Variants in PCDHGB2 observed in about 807,000 individuals in gnomAD.
PCDHGB2 encodes the protein protocadherin gamma-B2.
Under a neutral mutation model 59.3 loss-of-function variants are expected in PCDHGB2, and 55 were observed. The observed-to-expected ratio is 0.93, with a 90% CI of 0.75 to 1.16. PCDHGB2 has a LOEUF of 1.16. Among genes scored for constraint, PCDHGB2 ranks in the 50% most tolerant of loss-of-function variants. PCDHGB2 has a pLI of 0.00. For synonymous variants in PCDHGB2, 516 were observed against 512.0 expected (o/e 1.01, Z -0.11); for missense variants, 1,228 against 1,198.5 (o/e 1.02, Z -0.36).
chr5:141,379,889 C>CTTTTTGTTTTTTTTTTTTT (rs1775944261), intron 1 of PCDHGB2, among the ~76,000 whole-genome samples: 1 of 50,830 alleles, frequency 2.0e-5, no homozygotes, highest in Non-Finnish European at 3.9e-5. Flanking sequence ...GTGAAAGCCT[C>CTTTTTGTTTTTTTTTTTTT]TTTTTTTTTT....
At chr5:141,384,558 G>C (rs1305876368) in intron 1 of PCDHGB2, 2 of 1,614,132 alleles carry the variant, frequency 1.2e-6, no homozygotes, top group African/African-American at 1.3e-5. Context: ...TGTTCGTGCT[G>C]GACCAGAATG....
intron 1 of PCDHGB2, chr5:141,415,851 T>A: frequency 8.1e-7 from 1 of 1,228,614 alleles, no homozygotes; most frequent in Non-Finnish European, 1.1e-6. Flanking sequence ...TTGCAGAACC[T>A]TGTAGTTTAT....
intron 1 of PCDHGB2, among the ~76,000 whole-genome samples, chr5:141,407,130 T>C (rs1218017139): frequency 1.3e-5 from 2 of 152,230 alleles, no homozygotes; most frequent in Non-Finnish European, 2.9e-5. Flanking sequence ...TTGCTTTATT[T>C]TTAAGAAAAA....
intron 1 of PCDHGB2, chr5:141,382,754 G>A: frequency 1.6e-6 from 1 of 636,380 alleles, no homozygotes; most frequent in East Asian, 2.7e-5. Context: ...ATTGCGATAA[G>A]CCCTCTTCCA....
intron 1 of PCDHGB2, chr5:141,390,163 C>A: frequency 1.2e-6 from 2 of 1,613,992 alleles, no homozygotes; most frequent in South Asian, 1.1e-5. Flanking sequence ...ACAGGAAAGA[C>A]GGAGTTTAAT....
In PCDHGB2 at chr5:141,477,524, A is replaced by G. The variant is rs1302186932; in HGVS notation, c.2422-17283A>G. The stretch of plus-strand genomic sequence containing the variant: ...CTACGACGTTTACATTGAAGAAAAC[A>G]ACCTCCCCGGGGCTCCAATACTAAA... On this transcript the variant is annotated intron_variant, in intron 1 of 3. Coordinates refer to ENST00000522605, the MANE Select transcript of PCDHGB2 (RefSeq NM_018923.3). The surrounding 1 kb of genome is among the most constrained non-coding windows in gnomAD (Gnocchi z 4.9). The G allele has an allele frequency of 1.2e-6, 2 of 1,614,122 alleles. No individual in the cohort carries two copies. Among genetic ancestry groups the G allele is most frequent in the Non-Finnish European group, 1.7e-6 (2 of 1,180,022 alleles).
chr5:141,493,694 G>A lies in PCDHGB2; in HGVS notation c.2422-1113G>A, dbSNP rs929897875. On this transcript the variant is annotated intron_variant, in intron 1 of 3. Transcript: ENST00000522605. This position sits in a 1 kb window ranked among gnomAD's most constrained non-coding sequence, Gnocchi z 4.3. ...CCCCAGAATGGTGCTGGTGACTCCC[G>A]ATACACCTGGAATGCTAGGTTTCTG... Among the ~76,000 whole-genome samples the A allele has an allele frequency of 5.9e-5, 9 of 152,130 alleles. No individual in the cohort carries two copies. Among genetic ancestry groups the A allele is most frequent in the African/African-American group, 9.7e-5 (4 of 41,404 alleles).
intron 3 of PCDHGB2, among the ~76,000 whole-genome samples, chr5:141,508,439 T>C (rs1037512760): frequency 1.3e-5 from 2 of 152,188 alleles, no homozygotes; most frequent in African/African-American, 4.8e-5. Flanking sequence ...ACACAGTTCC[T>C]TAGTGGCAGA....
intron 1 of PCDHGB2, among the ~76,000 whole-genome samples, chr5:141,434,195 T>C (rs1561872734): frequency 6.6e-6 from 1 of 151,916 alleles, no homozygotes; most frequent in Non-Finnish European, 1.5e-5. Flanking sequence ...AATTCCAATG[T>C]ACTTACTTCT....
In PCDHGB2 at chr5:141,421,238, G is replaced by C. The variant is rs920128735; in HGVS notation, c.2421+58682G>C. 3.1e-6 allele frequency: 5 copies of C among 1,597,422 alleles called. No individual in the cohort carries two copies. Among genetic ancestry groups the C allele is most frequent in the African/African-American group, 2.7e-5 (2 of 74,378 alleles). ...GGCTTAGAGCCTGCCATGGCGAATC[G>C]GCTACAGCGCGGGGACCGCAGTCGG... On this transcript the variant is annotated intron_variant, in intron 1 of 3. Transcript: ENST00000522605.
At chr5:141,413,661 T>G (rs2095664313) in intron 1 of PCDHGB2, 1 of 1,613,886 alleles carries the variant, frequency 6.2e-7, no homozygotes. Flanking sequence ...CGGAAGCTAT[T>G]GATCCGGATG....
chr5:141,421,188 C>T lies in PCDHGB2; in HGVS notation c.2421+58632C>T, dbSNP rs1364019876. 2.0e-6 allele frequency: 3 copies of T among 1,471,410 alleles called. No individual in the cohort carries two copies. The South Asian group carries it at 4.0e-5, about 20-fold the overall frequency. The allele number at this position is 1,471,410 out of a possible 1,614,324, so 91.1% of individuals were successfully genotyped here. A position where few individuals can be genotyped will look rare whatever the true frequency, so the allele number is the denominator to read the frequency against. The stretch of plus-strand genomic sequence containing the variant: ...GATACATAAGCCGATTCACAACCAA[C>T]CAGCTCGAGAAACCGCGGAATATCG... On this transcript the variant is annotated intron_variant, in intron 1 of 3. Coordinates refer to ENST00000522605, the MANE Select transcript of PCDHGB2 (RefSeq NM_018923.3).
At chr5:141,380,618 G>A (rs531927290) in intron 1 of PCDHGB2, among the ~76,000 whole-genome samples, 15 of 152,210 alleles carry the variant, frequency 9.9e-5, no homozygotes, top group South Asian at 4.1e-4. Flanking sequence ...TATGATGTTC[G>A]ATAACTTAGA....
chr5:141,409,196 A>G (rs1197077093), intron 1 of PCDHGB2: 2 of 1,613,926 alleles, frequency 1.2e-6, no homozygotes, highest in Non-Finnish European at 1.7e-6. Flanking sequence ...TACCCAGTGT[A>G]AAGTAATCAT....
intron 2 of PCDHGB2, among the ~76,000 whole-genome samples, chr5:141,500,216 ATTT>A (rs979396489): frequency 3.1e-4 from 46 of 149,244 alleles, no homozygotes; most frequent in Non-Finnish European, 6.7e-4. Context: ...TTATTTATTT[ATTT>A]ATTTATTGAT....
intron 2 of PCDHGB2, among the ~76,000 whole-genome samples, chr5:141,503,596 C>T (rs1267014587): frequency 7.7e-6 from 1 of 129,694 alleles, no homozygotes; most frequent in African/African-American, 3.3e-5. Context: ...GAGACTCCAG[C>T]TCAAAAAAAA....
At chr5:141,419,747 C>T (rs1322393151) in intron 1 of PCDHGB2, 3 of 1,613,840 alleles carry the variant, frequency 1.9e-6, no homozygotes, top group Admixed American at 1.7e-5. Context: ...GCGCATGGTG[C>T]GTGCTTTGGG....
chr5:141,431,830 C>G lies in PCDHGB2; in HGVS notation c.2422-62977C>G, dbSNP rs1354008481. 1 of 1,614,078 alleles carries G rather than the reference C, an allele frequency of 6.2e-7. No homozygotes were observed. The highest frequency in any genetic ancestry group is 8.5e-7 in the Non-Finnish European group (1 of 1,180,034). The stretch of plus-strand genomic sequence containing the variant: ...TCACCTCTCTCGCCAGCTCGGTTCC[C>G]GAAAACTCTCCCAGAGGGACATTAA... On this transcript the variant is annotated intron_variant, in intron 1 of 3. Coordinates refer to ENST00000522605, the MANE Select transcript of PCDHGB2 (RefSeq NM_018923.3). This position sits in a 1 kb window ranked among gnomAD's most constrained non-coding sequence, Gnocchi z 4.8.
At chr5:141,380,669 G>C (rs1434222643) in intron 1 of PCDHGB2, among the ~76,000 whole-genome samples, 1 of 152,174 alleles carries the variant, frequency 6.6e-6, no homozygotes, top group Non-Finnish European at 1.5e-5. Flanking sequence ...TTACTCCATA[G>C]GGTATGTATG....
Sources: allele counts gnomAD v4.1 joint callset (sites outside exome capture counted in the v4.1 genomes callset), GRCh38; gene constraint gnomAD v4.1.1; non-coding constraint Gnocchi (gnomAD v3.1); transcripts MANE v1.5; gene names NCBI Gene and HGNC (gene_info 2026-07-23, HGNC 2026-07-21).